Variants in NCLN observed in about 807,000 individuals in gnomAD.
The protein encoded by NCLN is nicalin.
NCLN carries 34 observed loss-of-function variants against 69.5 expected under a neutral mutation model. The ratio of observed to expected loss-of-function variants is 0.49; its 90% CI spans 0.37 to 0.65. The LOEUF (loss-of-function observed/expected upper bound fraction) is 0.65. Ranked by LOEUF, NCLN falls within the 30% of genes least tolerant of loss-of-function variation. NCLN has a pLI of 0.00. For synonymous variants in NCLN, 393 were observed against 358.3 expected (o/e 1.10, Z -1.09); for missense variants, 710 against 804.8 (o/e 0.88, Z 1.42).
At chr19:3,206,790 G>T (rs1916283372) in intron 12 of NCLN, among the ~76,000 whole-genome samples, 1 of 152,174 alleles carries the variant, frequency 6.6e-6, no homozygotes, top group Non-Finnish European at 1.5e-5. Context: ...GGGCAACATA[G>T]CAAGACCCCA....
At chr19:3,197,205 GT>G (rs536049661) in intron 4 of NCLN, among the ~76,000 whole-genome samples, 27 of 152,386 alleles carry the variant, frequency 1.8e-4, no homozygotes, top group African/African-American at 6.3e-4. Flanking sequence ...TCACTCCACA[GT>G]GGCACAGGCG....
chr19:3,198,594 G>A (rs1916036298), intron 4 of NCLN, among the ~76,000 whole-genome samples: 1 of 151,916 alleles, frequency 6.6e-6, no homozygotes, highest in Non-Finnish European at 1.5e-5. Context: ...GAGGGCCAGA[G>A]CAGGAGTGGG....
At chr19:3,202,107 C>T (rs988805480) in intron 6 of NCLN, among the ~76,000 whole-genome samples, 1 of 152,122 alleles carries the variant, frequency 6.6e-6, no homozygotes, top group Admixed American at 6.5e-5. Flanking sequence ...GGTTGAGACC[C>T]CCCTGGGTTA....
chr19:3,191,337 C>T (rs1049457460), intron 1 of NCLN, among the ~76,000 whole-genome samples: 17 of 152,132 alleles, frequency 1.1e-4, no homozygotes, highest in African/African-American at 3.6e-4. Context: ...GGAGCGCCAC[C>T]GCAGAAGTGA....
Position 3,206,338 on chromosome 19 carries a change from A to C in NCLN, c.1412A>C (p.Lys471Thr). ...CCGCGGGCCGCGCAGCTGGTGGACA[A>C]GGACAGCACCTTCCTCAGCACGCTG... ...NQPRAAQLVD[K>T]DSTFLSTLEH... is the part of the protein sequence containing the mutation. The change falls in exon 12 of 15, where the codon AAG becomes ACG. Residue 471 changes from lysine (K) to threonine (T), a missense_variant. Transcript: ENST00000246117. The C allele has an allele frequency of 6.5e-7, 1 of 1,548,344 alleles. No individual in the cohort carries two copies. The highest frequency in any genetic ancestry group is 8.7e-7 in the Non-Finnish European group (1 of 1,146,938).
At chr19:3,198,721 G>A (rs1464442883) in intron 4 of NCLN, 96 bp from the exon 5 acceptor site, 14 of 936,802 alleles carry the variant, frequency 1.5e-5, no homozygotes, top group Non-Finnish European at 2.0e-5. Flanking sequence ...CAGCGGACGG[G>A]CCCCACGTGG....
chr19:3,187,477 C>T (rs1387283233), intron 1 of NCLN, among the ~76,000 whole-genome samples: 1 of 152,192 alleles, frequency 6.6e-6, no homozygotes, highest in Non-Finnish European at 1.5e-5. Flanking sequence ...GGCGCGGGGA[C>T]CCCCAGCTTC....
At chr19:3,191,539 G>T (rs1915827692) in intron 1 of NCLN, among the ~76,000 whole-genome samples, 1 of 152,152 alleles carries the variant, frequency 6.6e-6, no homozygotes, top group African/African-American at 2.4e-5. Flanking sequence ...AGCCCGAGGG[G>T]CGCTCCATGC....
At chr19:3,199,443 A>G (rs1916064023) in intron 5 of NCLN, among the ~76,000 whole-genome samples, 1 of 152,248 alleles carries the variant, frequency 6.6e-6, no homozygotes, top group African/African-American at 2.4e-5. Context: ...CTGGTTCTAC[A>G]GCCCCTGCTG....
Position 3,207,865 on chromosome 19 carries a change from G to A in NCLN, c.*177G>A. On this transcript the variant is annotated 3_prime_UTR_variant, in exon 15 of 15. Coordinates refer to ENST00000246117, the MANE Select transcript of NCLN (RefSeq NM_020170.4). ...TTTTCTGTTGCTCTCCGAGACTGGG[G>A]GGGGATTGTTTCTTCTTTTCCTTGT... The A allele has an allele frequency of 3.4e-6, 2 of 596,936 alleles. No homozygotes were observed. The highest frequency in any genetic ancestry group is 6.0e-6 in the Non-Finnish European group (2 of 332,536). 37.0% of individuals were successfully genotyped at this position (596,936 alleles called of 1,614,324 possible).
Position 3,185,973 on chromosome 19 carries a change from C to G in NCLN, c.-58C>G. 7.8e-7 allele frequency: 1 copy of G among 1,275,534 alleles called. No individual in the cohort carries two copies. Among genetic ancestry groups the G allele is most frequent in the Non-Finnish European group, 1.0e-6 (1 of 987,882 alleles). 79.0% of individuals were successfully genotyped at this position (1,275,534 alleles called of 1,614,324 possible). On this transcript the variant is annotated 5_prime_UTR_variant, in exon 1 of 15. Transcript: ENST00000246117. ...CATGCCGAGGTGAGTCCGCGGGAGCCGCCGCCGCCGCCGTCCCGTCCCAGC... is the reference window on the plus strand; with the variant it reads ...CATGCCGAGGTGAGTCCGCGGGAGCGGCCGCCGCCGCCGTCCCGTCCCAGC...
intron 3 of NCLN, 130 bp downstream of exon 3, chr19:3,193,558 T>A: frequency 9.1e-7 from 1 of 1,098,650 alleles, no homozygotes. Flanking sequence ...GGGTTAACAG[T>A]GGGGGTTCCT....
rs1211255653 is a variant in NCLN, at chr19:3,206,289, G to A, written c.1363G>A (p.Val455Met). 1.4e-5 allele frequency: 21 copies of A among 1,548,022 alleles called. No individual in the cohort carries two copies. Among genetic ancestry groups the A allele is most frequent in the Non-Finnish European group, 1.7e-5 (20 of 1,146,840 alleles). Residue 455 changes from valine to methionine, a missense_variant, in exon 12 of 15, where the codon GTG (valine) becomes ATG (methionine). By Grantham distance (21) the Val-to-Met change is conservative. Coordinates refer to ENST00000246117, the MANE Select transcript of NCLN (RefSeq NM_020170.4). Reference sequence around the variant, plus strand: ...GATCCAGCAGGAGCAGCTGGACTCGGTGATGGACTGGCTCACCAACCAGCC... The same window carrying A: ...GATCCAGCAGGAGCAGCTGGACTCGATGATGGACTGGCTCACCAACCAGCC... ...MQIQQEQLDS[V>M]MDWLTNQPRA...
chr19:3,194,205 G>A (rs192993524), intron 3 of NCLN, among the ~76,000 whole-genome samples: 3 of 152,262 alleles, frequency 2.0e-5, no homozygotes, highest in South Asian at 2.1e-4. Flanking sequence ...CCTGGCGAAA[G>A]CCTGTCTTTA....
intron 5 of NCLN, among the ~76,000 whole-genome samples, chr19:3,199,919 C>T (rs1916081800): frequency 6.6e-6 from 1 of 151,914 alleles, no homozygotes; most frequent in African/African-American, 2.4e-5. Context: ...CCAGGATGGT[C>T]TCGATCTCCT....
chr19:3,189,623 C>T (rs518585), intron 1 of NCLN, among the ~76,000 whole-genome samples: 133 of 152,378 alleles, frequency 8.7e-4, no homozygotes, highest in African/African-American at 3.1e-3. Context: ...TCCATGGCGT[C>T]CACCACAAGT....
At chr19:3,187,418 C>T (rs779018377) in intron 1 of NCLN, among the ~76,000 whole-genome samples, 25 of 152,160 alleles carry the variant, frequency 1.6e-4, no homozygotes, top group Admixed American at 3.3e-4. Context: ...GTTCCCAGCC[C>T]GGATTCTCTT....
At chr19:3,198,579 G>A (rs1225017674) in intron 4 of NCLN, among the ~76,000 whole-genome samples, 1 of 150,590 alleles carries the variant, frequency 6.6e-6, no homozygotes, top group African/African-American at 2.4e-5. Context: ...TAAAGATTTC[G>A]ACCTGAGGGC....
At chr19:3,193,066 T>C (rs1286614937) in intron 2 of NCLN, among the ~76,000 whole-genome samples, 7 of 31,920 alleles carry the variant, frequency 2.2e-4, no homozygotes, top group African/African-American at 7.7e-4. Context: ...GGTGGGTGGG[T>C]TGGGGGAAGC....
Sources: allele counts gnomAD v4.1 joint callset (sites outside exome capture counted in the v4.1 genomes callset), GRCh38; gene constraint gnomAD v4.1.1; transcripts MANE v1.5; gene names NCBI Gene and HGNC (gene_info 2026-07-23, HGNC 2026-07-21).